The following ANKS1B variants were observed in gnomAD, a reference collection of about 807,000 sequenced individuals.
ANKS1B encodes the protein ankyrin repeat and sterile alpha motif domain containing 1B.
A neutral mutation model predicts 148.3 loss-of-function variants in ANKS1B; 36 were observed. The observed-to-expected ratio is 0.24, with a 90% CI of 0.19 to 0.32. The LOEUF is 0.32. Ranked by LOEUF, ANKS1B falls within the 10% of genes least tolerant of loss-of-function variation. The pLI, the probability that ANKS1B is intolerant of heterozygous loss-of-function variation, is 1.00. For synonymous variants in ANKS1B, 542 were observed against 560.8 expected, an observed-to-expected ratio of 0.97 and a Z score of 0.47; for missense variants, 1,157 against 1,542.6, an observed-to-expected ratio of 0.75 and a Z score of 4.19.
At chr12:99,054,627 C>T (rs1036052597) in intron 16 of ANKS1B, among the ~76,000 whole-genome samples, 1 of 152,270 alleles carries the variant, frequency 6.6e-6, no homozygotes, top group Admixed American at 6.5e-5. Context: ...CAACCTCCAC[C>T]TCCTGGGTTC....
intron 17 of ANKS1B, among the ~76,000 whole-genome samples, chr12:98,888,389 C>G (rs557099788): frequency 1.3e-5 from 2 of 152,318 alleles, no homozygotes; most frequent in Admixed American, 1.3e-4. Flanking sequence ...CTCTCATAGT[C>G]TTCTGTGTGG....
chr12:99,698,973 G>GTGTGTGTGTGTGTGT (rs56223205), intron 8 of ANKS1B, among the ~76,000 whole-genome samples: 71 of 119,520 alleles, frequency 5.9e-4, no homozygotes, highest in Admixed American at 1.6e-3. Flanking sequence ...TGTGTGTGTG[G>GTGTGTGTGTGTGTGT]GTGTGCACGC....
chr12:99,414,047 A>G (rs1403845376), intron 11 of ANKS1B, among the ~76,000 whole-genome samples: 1 of 151,922 alleles, frequency 6.6e-6, no homozygotes, highest in Non-Finnish European at 1.5e-5. Flanking sequence ...CTGAGAGCAG[A>G]CAGTTGCTCT....
chr12:99,837,155 C>G (rs940415814), intron 1 of ANKS1B, among the ~76,000 whole-genome samples: 26 of 152,128 alleles, frequency 1.7e-4, no homozygotes, highest in Non-Finnish European at 1.5e-5. Flanking sequence ...CCATTGTTGG[C>G]TCTAAAGATG....
At chr12:99,803,281 C>CCA (rs1555620528) in intron 4 of ANKS1B, among the ~76,000 whole-genome samples, 1 of 136,102 alleles carries the variant, frequency 7.3e-6, no homozygotes. Context: ...ATTCACCCCC[C>CCA]CCCAAAAAAA....
At chr12:99,162,932 C>T (rs963466350) in intron 14 of ANKS1B, among the ~76,000 whole-genome samples, 1 of 152,004 alleles carries the variant, frequency 6.6e-6, no homozygotes, top group Non-Finnish European at 1.5e-5. Flanking sequence ...GTGGCAGGCA[C>T]CTGTAGTCCC....
chr12:99,404,456 T>C (rs2094486468), intron 11 of ANKS1B, among the ~76,000 whole-genome samples: 1 of 145,630 alleles, frequency 6.9e-6, no homozygotes, highest in South Asian at 2.1e-4. Context: ...ATTGAAATTA[T>C]TGAAAAGAAT....
At chr12:99,473,845 T>C (rs2096277368) in intron 10 of ANKS1B, among the ~76,000 whole-genome samples, 2 of 152,100 alleles carry the variant, frequency 1.3e-5, no homozygotes, top group Non-Finnish European at 2.9e-5. Context: ...TCCCAGTTTG[T>C]GGCATTTTAA....
intron 8 of ANKS1B, among the ~76,000 whole-genome samples, chr12:99,733,836 C>T (rs968665485): frequency 6.6e-6 from 1 of 152,184 alleles, no homozygotes; most frequent in East Asian, 1.9e-4. Context: ...ACCTAACCTG[C>T]CCATCTTCAT....
At chr12:99,303,229 T>C (rs1048131688) in intron 12 of ANKS1B, among the ~76,000 whole-genome samples, 2 of 152,170 alleles carry the variant, frequency 1.3e-5, no homozygotes, top group Admixed American at 1.3e-4. Flanking sequence ...TGGACTTGCC[T>C]TACAAATCTA....
intron 12 of ANKS1B, among the ~76,000 whole-genome samples, chr12:99,351,065 T>C (rs775417284): frequency 2.0e-5 from 3 of 152,142 alleles, no homozygotes; most frequent in Non-Finnish European, 2.9e-5. Flanking sequence ...CATTCCACTT[T>C]TTGAAAATCT....
At chr12:98,775,325 A>G (rs551187823) in intron 24 of ANKS1B, among the ~76,000 whole-genome samples, 10 of 152,248 alleles carry the variant, frequency 6.6e-5, no homozygotes, top group African/African-American at 1.9e-4. Context: ...ACAATTTCCA[A>G]TGGTGCACGG....
intron 1 of ANKS1B, among the ~76,000 whole-genome samples, chr12:99,845,801 C>T (rs2086574256): frequency 6.6e-6 from 1 of 151,990 alleles, no homozygotes; most frequent in Non-Finnish European, 1.5e-5. Flanking sequence ...GGAATAACAC[C>T]AACTCTTCTT....
intron 11 of ANKS1B, among the ~76,000 whole-genome samples, chr12:99,433,035 A>G (rs1189003582): frequency 6.6e-6 from 1 of 152,228 alleles, no homozygotes; most frequent in Non-Finnish European, 1.5e-5. Flanking sequence ...ACAAGAGCAC[A>G]ATAATCAATG....
At chr12:99,175,435 A>C (rs1433105819) in intron 14 of ANKS1B, among the ~76,000 whole-genome samples, 1 of 152,232 alleles carries the variant, frequency 6.6e-6, no homozygotes, top group Non-Finnish European at 1.5e-5. Context: ...CATAGTCTGA[A>C]GGTAATTTAA....
At chr12:99,612,727 G>A (rs1721869342) in intron 9 of ANKS1B, among the ~76,000 whole-genome samples, 1 of 152,004 alleles carries the variant, frequency 6.6e-6, no homozygotes, top group Non-Finnish European at 1.5e-5. Flanking sequence ...GAATTTATCA[G>A]TAAATCTCCA....
At chr12:99,895,916 G>C (rs1274020615) in intron 1 of ANKS1B, among the ~76,000 whole-genome samples, 1 of 151,242 alleles carries the variant, frequency 6.6e-6, no homozygotes, top group African/African-American at 2.4e-5. Flanking sequence ...TCATATTCTA[G>C]ATTTTTGGAT....
At chr12:99,532,113 C>T (rs12314102) in intron 9 of ANKS1B, among the ~76,000 whole-genome samples, 68,116 of 151,350 alleles carry the variant, frequency 0.45, 15,453 homozygotes, top group East Asian at 0.55. Flanking sequence ...GTCAGATATA[C>T]AGTTTGTGGA....
chr12:99,619,967 T>C (rs920938914), intron 9 of ANKS1B, among the ~76,000 whole-genome samples: 1 of 152,126 alleles, frequency 6.6e-6, no homozygotes, highest in Admixed American at 6.5e-5. Flanking sequence ...CATTCACCCA[T>C]TGCCTAAGAC....
Sources: gnomAD v4.1 joint callset for allele counts (sites outside exome capture counted in the v4.1 genomes callset) on GRCh38, gnomAD v4.1.1 for gene constraint, MANE v1.5 for transcripts, NCBI Gene and HGNC (gene_info 2026-07-23, HGNC 2026-07-21) for gene names.